The following TAF1 variants were observed in gnomAD, a reference collection of about 807,000 sequenced individuals.
TAF1 encodes TATA-box binding protein associated factor 1, also known as transcription initiation factor TFIID subunit 1.
TAF1 carries 2 observed loss-of-function variants against 138.5 expected under a neutral mutation model. The observed-to-expected ratio is 0.01, with a 90% confidence interval of 0.01 to 0.05. The LOEUF (loss-of-function observed/expected upper bound fraction) is 0.05. Ranked by LOEUF, TAF1 falls within the 10% of genes least tolerant of loss-of-function variation. The pLI is 1.00. For missense variants in TAF1, 709 were observed against 1,478.0 expected (o/e 0.48, Z 8.53); for synonymous variants, 437 against 503.2 (o/e 0.87, Z 1.76).
At chrX:71,452,113 C>A (rs1279583628) in intron 32 of TAF1, among the ~76,000 whole-genome samples, 1 of 105,819 alleles carries the variant, frequency 9.5e-6, no homozygotes, top group African/African-American at 3.4e-5. Flanking sequence ...GGGCTGACCC[C>A]CCCCCCCACC....
chrX:71,474,310 G>C (rs1438921132), intron 13 of TAF1, among the ~76,000 whole-genome samples: 2 of 111,577 alleles, frequency 1.8e-5, no homozygotes, highest in African/African-American at 6.5e-5. Context: ...ATTAGCCCTG[G>C]TTTCAGAGTA....
chrX:71,445,484 C>T (rs2037651511), intron 32 of TAF1, among the ~76,000 whole-genome samples: 1 of 111,328 alleles, frequency 9.0e-6, no homozygotes, highest in Admixed American at 9.6e-5. Context: ...TCCAGTTTTT[C>T]GTCATTTATT....
chrX:71,489,537 A>G (rs916806627), intron 13 of TAF1, among the ~76,000 whole-genome samples: 37 of 110,457 alleles, frequency 3.3e-4, no homozygotes, highest in Non-Finnish European at 9.5e-5. Flanking sequence ...TTAGCTGGGC[A>G]TGGTGGCACA....
Position 71,436,038 on chromosome X carries a change from CTTTTTTTTTTTTTTT to C in TAF1, c.4753+11813_4753+11827del, listed in dbSNP as rs780566468. On this transcript the variant is annotated intron_variant, in intron 32 of 37. Coordinates refer to ENST00000423759, the MANE Select transcript of TAF1 (RefSeq NM_004606.5). ...TTCCTACTAATTGAAATGCTACCTC[CTTTTTTTTTTTTTTT>C]TTTTTTTTTTTTGAAACAAGGTCTT... is the stretch of plus-strand genomic sequence containing the variant. Among the ~76,000 whole-genome samples, 7 of 78,421 alleles carry C rather than the reference CTTTTTTTTTTTTTTT, an allele frequency of 8.9e-5. No homozygotes were observed. The South Asian group carries it at 1.8e-3, about 20-fold the overall frequency. 68.1% of individuals were successfully genotyped at this position (78,421 alleles called of 115,157 possible).
At chrX:71,449,194 G>A (rs1454730658) in intron 32 of TAF1, among the ~76,000 whole-genome samples, 2 of 111,884 alleles carry the variant, frequency 1.8e-5, no homozygotes, top group Admixed American at 1.9e-4. Flanking sequence ...GTTTCTCCAT[G>A]TTGGTCAGGC....
chrX:71,506,355 G>T (rs1293009393), intron 13 of TAF1, among the ~76,000 whole-genome samples: 1 of 103,551 alleles, frequency 9.7e-6, no homozygotes, highest in Non-Finnish European at 2.0e-5. Flanking sequence ...CTGCACTCCA[G>T]CCTGGGCGAC....
chrX:71,426,726 A>C (rs920050229), intron 32 of TAF1, among the ~76,000 whole-genome samples: 1 of 110,254 alleles, frequency 9.1e-6, no homozygotes, highest in African/African-American at 3.3e-5. Flanking sequence ...AAAAAAAAAA[A>C]AACAAAGAGA....
At chrX:71,500,148 A>C (rs2039471517) in intron 13 of TAF1, among the ~76,000 whole-genome samples, 2 of 111,099 alleles carry the variant, frequency 1.8e-5, no homozygotes, top group African/African-American at 6.6e-5. Flanking sequence ...TAGGAAGGCT[A>C]GGATATGGAG....
rs747563528 is a variant in TAF1, at chrX:71,464,012, T to C, written c.5588T>C (p.Ile1863Thr). 4 of 1,197,369 alleles carry C rather than the reference T, an allele frequency of 3.3e-6. No homozygotes were observed. The highest frequency in any genetic ancestry group is 1.7e-5 in the African/African-American group (1 of 57,622). ...DEEDSEDFHS[I>T]AGDSDLDSDE ...GAGGACAGTGAGGATTTCCACTCCA[T>C]TGCTGGGGACAGTGACTTGGACTCT... Residue 1863 changes from isoleucine (I) to threonine (T), a missense_variant, in exon 38 of 38, where the codon ATT becomes ACT. Coordinates refer to ENST00000423759, the MANE Select transcript of TAF1 (RefSeq NM_004606.5).
rs769355763 is a variant in TAF1 at position 71,452,792 on chromosome X, G to A, written c.4754-1378G>A. On this transcript the variant is annotated intron_variant, in intron 32 of 37. Coordinates refer to ENST00000423759, the MANE Select transcript of TAF1 (RefSeq NM_004606.5). ...CACCATTGAGCACTGAGTTAACGAGGCTCCGTCTGCAATCCCGGCACCTCG... is the reference window on the plus strand; with the variant it reads ...CACCATTGAGCACTGAGTTAACGAGACTCCGTCTGCAATCCCGGCACCTCG... 3.6e-3 allele frequency among the ~76,000 whole-genome samples: 407 copies of A among 112,405 alleles called. 2 individuals are homozygous for A. Among genetic ancestry groups the A allele is most frequent in the Middle Eastern group, 9.2e-3 (2 of 218 alleles).
intron 8 of TAF1, among the ~76,000 whole-genome samples, chrX:71,380,587 TAAA>T (rs911564968): frequency 4.1e-4 from 45 of 110,070 alleles, no homozygotes; most frequent in African/African-American, 1.2e-3. Context: ...TAAATGGAAA[TAAA>T]GAAGATATGA....
chrX:71,516,443 A>G (rs1424479427), intron 13 of TAF1, among the ~76,000 whole-genome samples: 1 of 109,409 alleles, frequency 9.1e-6, no homozygotes, highest in Non-Finnish European at 1.9e-5. Flanking sequence ...TTGCACAACA[A>G]TGTGAATCTA....
At chrX:71,515,750 C>T (rs1291507829) in intron 13 of TAF1, among the ~76,000 whole-genome samples, 2 of 111,502 alleles carry the variant, frequency 1.8e-5, no homozygotes, top group African/African-American at 6.5e-5. Flanking sequence ...CCCAATATTC[C>T]CTCATCCCGG....
downstream of TAF1, among the ~76,000 whole-genome samples, chrX:71,469,460 G>A (rs2038840004): frequency 9.1e-6 from 1 of 110,177 alleles, no homozygotes; most frequent in Non-Finnish European, 1.9e-5. Context: ...TTGAGCGGCC[G>A]AGGAGGGAGG....
intron 35 of TAF1, 82 bp from the exon 36 acceptor site, chrX:71,459,470 A>AGGGGGGGGGT: frequency 1.8e-6 from 1 of 549,397 alleles, no homozygotes; most frequent in East Asian, 4.4e-5. Flanking sequence ...CGGGGCGGGG[A>AGGGGGGGGGT]GGGGGGGTGT....
intron 32 of TAF1, among the ~76,000 whole-genome samples, chrX:71,430,371 G>A (rs949324808): frequency 1.5e-4 from 14 of 95,053 alleles, no homozygotes; most frequent in Non-Finnish European, 1.9e-4. Context: ...GCAACAGAGC[G>A]AGACTCCGTC....
downstream of TAF1, among the ~76,000 whole-genome samples, chrX:71,468,190 G>A (rs1034641273): frequency 5.5e-5 from 6 of 108,953 alleles, no homozygotes; most frequent in Non-Finnish European, 1.1e-4. Flanking sequence ...CCAGGAGATC[G>A]AGGCTGCAGT....
chrX:71,426,036 G>T (rs2148622690), intron 32 of TAF1, among the ~76,000 whole-genome samples: 1 of 110,006 alleles, frequency 9.1e-6, no homozygotes, highest in South Asian at 4.0e-4. Context: ...AAGGCGGGCG[G>T]ATCATTTGAG....
downstream of TAF1, among the ~76,000 whole-genome samples, chrX:71,469,994 C>T (rs2038852053): frequency 8.9e-6 from 1 of 111,857 alleles, no homozygotes; most frequent in African/African-American, 3.2e-5. Context: ...AGCCACCGTG[C>T]CTGGCCTAAA....
Sources: allele counts gnomAD v4.1 joint callset (sites outside exome capture counted in the v4.1 genomes callset), GRCh38; gene constraint gnomAD v4.1.1; transcripts MANE v1.5; gene names NCBI Gene and HGNC (gene_info 2026-07-23, HGNC 2026-07-21).